DIS3L2: variants seen among roughly 807,000 people sequenced by gnomAD.
DIS3L2 encodes the protein DIS3 like 3'-5' exoribonuclease 2, also known as DIS3-like exonuclease 2.
In DIS3L2, 34 loss-of-function variants were observed where a neutral mutation model predicts 97.5. That is an observed-to-expected ratio of 0.35 (90% CI 0.27 to 0.46). DIS3L2 has a LOEUF of 0.46. Among genes scored for constraint, DIS3L2 ranks in the 20% least tolerant of loss-of-function variants. The probability of loss-of-function intolerance (pLI) is 1.00; values close to 1 mark genes in which losing one functional copy is unlikely to be tolerated. For synonymous variants in DIS3L2, 435 were observed against 445.2 expected, an observed-to-expected ratio of 0.98 and a Z score of 0.29; for missense variants, 1,038 against 1,146.0, an observed-to-expected ratio of 0.91 and a Z score of 1.36.
At chr2:232,307,286 C>T (rs1695010967) in intron 14 of DIS3L2, among the ~76,000 whole-genome samples, 1 of 152,192 alleles carries the variant, frequency 6.6e-6, no homozygotes, top group Non-Finnish European at 1.5e-5. Flanking sequence ...CTGATTTAGT[C>T]CTTTAGGAAG....
chr2:232,072,200 G>T (rs1352752224), intron 5 of DIS3L2, among the ~76,000 whole-genome samples: 1 of 152,068 alleles, frequency 6.6e-6, no homozygotes, highest in Non-Finnish European at 1.5e-5. Context: ...GTTGCACTGG[G>T]AAAGATATAA....
At chr2:232,229,537 T>C (rs978933779) in intron 10 of DIS3L2, among the ~76,000 whole-genome samples, 2 of 152,242 alleles carry the variant, frequency 1.3e-5, no homozygotes, top group Non-Finnish European at 2.9e-5. Context: ...TTCCCAGACG[T>C]TGAGTGCGCC....
chr2:232,306,695 C>T (rs954468673), intron 14 of DIS3L2, among the ~76,000 whole-genome samples: 2 of 152,174 alleles, frequency 1.3e-5, no homozygotes, highest in African/African-American at 2.4e-5. Flanking sequence ...CTGTATAGTT[C>T]TAGGCCCTGG....
chr2:232,120,622 C>T (rs1485953049), intron 6 of DIS3L2, among the ~76,000 whole-genome samples: 2 of 152,120 alleles, frequency 1.3e-5, no homozygotes, highest in East Asian at 1.9e-4. Flanking sequence ...CGCTTTCAGG[C>T]CTCCCCTGGC....
At chr2:232,306,024 T>A (rs1169695945) in intron 14 of DIS3L2, among the ~76,000 whole-genome samples, 1 of 152,084 alleles carries the variant, frequency 6.6e-6, no homozygotes, top group African/African-American at 2.4e-5. Flanking sequence ...CTGTGGGTTG[T>A]GGATGTGTTA....
At chr2:232,055,464 A>C (rs1389024875) in intron 5 of DIS3L2, among the ~76,000 whole-genome samples, 1 of 152,244 alleles carries the variant, frequency 6.6e-6, no homozygotes, top group African/African-American at 2.4e-5. Flanking sequence ...CAAACGACAC[A>C]ATGTTATCAA....
chr2:231,975,662 G>A (rs546030192), intron 1 of DIS3L2, among the ~76,000 whole-genome samples: 4 of 133,180 alleles, frequency 3.0e-5, no homozygotes, highest in South Asian at 5.0e-4. Flanking sequence ...CTGAGATTGC[G>A]CCACTGCACT....
intron 14 of DIS3L2, among the ~76,000 whole-genome samples, chr2:232,300,652 C>CTT (rs35570747): frequency 2.0e-4 from 24 of 121,448 alleles, no homozygotes; most frequent in Non-Finnish European, 2.6e-4. Flanking sequence ...TAGACTGCTC[C>CTT]TTTTTTTTTT....
chr2:232,054,132 G>A (rs1695483224), intron 5 of DIS3L2, among the ~76,000 whole-genome samples: 1 of 152,204 alleles, frequency 6.6e-6, no homozygotes, highest in Non-Finnish European at 1.5e-5. Flanking sequence ...AACTGGGGAT[G>A]AAGAACACAT....
intron 14 of DIS3L2, among the ~76,000 whole-genome samples, chr2:232,319,279 C>T (rs1180449118): frequency 6.6e-6 from 1 of 152,242 alleles, no homozygotes; most frequent in Non-Finnish European, 1.5e-5. Context: ...CCCTGGACTG[C>T]ATGCTACGTA....
intron 9 of DIS3L2, chr2:232,172,766 C>T (rs1260576618): frequency 1.9e-6 from 1 of 534,302 alleles, no homozygotes; most frequent in Non-Finnish European, 3.8e-6. Context: ...GTCTCAGTTG[C>T]TCCATATCCT....
chr2:232,299,201 C>T (rs1694797094), intron 13 of DIS3L2, among the ~76,000 whole-genome samples: 1 of 152,234 alleles, frequency 6.6e-6, no homozygotes, highest in Admixed American at 6.5e-5. Context: ...TTCTCTCACT[C>T]TATCCCAGCC....
intron 9 of DIS3L2, among the ~76,000 whole-genome samples, chr2:232,193,235 G>A (rs1471736452): frequency 6.6e-6 from 1 of 152,234 alleles, no homozygotes; most frequent in Non-Finnish European, 1.5e-5. Context: ...TAGCACAGTT[G>A]CATTCACTTC....
chr2:232,317,792 G>A (rs1036413366), intron 14 of DIS3L2, among the ~76,000 whole-genome samples: 1 of 152,134 alleles, frequency 6.6e-6, no homozygotes, highest in African/African-American at 2.4e-5. Flanking sequence ...TGAATTAATT[G>A]TCTCCTTAAT....
chr2:232,093,990 T>G (rs1696924547), intron 6 of DIS3L2, among the ~76,000 whole-genome samples: 1 of 152,136 alleles, frequency 6.6e-6, no homozygotes, highest in African/African-American at 2.4e-5. Flanking sequence ...TTTTTTGATG[T>G]AAGCACTGCT....
intron 3 of DIS3L2, among the ~76,000 whole-genome samples, chr2:232,020,375 G>A (rs988042476): frequency 1.3e-5 from 2 of 152,174 alleles, no homozygotes; most frequent in Admixed American, 6.5e-5. Flanking sequence ...GAACAAGAAA[G>A]TGGCAGTAAA....
intron 1 of DIS3L2, among the ~76,000 whole-genome samples, chr2:231,964,468 C>A (rs1049497740): frequency 6.6e-6 from 1 of 152,018 alleles, no homozygotes; most frequent in Non-Finnish European, 1.5e-5. Flanking sequence ...CATGGACTTA[C>A]ACTTCAGAAG....
At chr2:232,047,355 G>A (rs551203648) in intron 5 of DIS3L2, among the ~76,000 whole-genome samples, 4 of 152,260 alleles carry the variant, frequency 2.6e-5, no homozygotes, top group African/African-American at 9.6e-5. Flanking sequence ...ACTACAAGAG[G>A]AAAATGTAAA....
chr2:232,268,302 A>C lies in DIS3L2; in HGVS notation c.1659+4862A>C, dbSNP rs1160233059. Among the ~76,000 whole-genome samples the C allele has an allele frequency of 6.6e-6, 1 of 152,212 alleles. No individual in the cohort carries two copies. The highest frequency in any genetic ancestry group is 1.9e-4 in the East Asian group (1 of 5,198). ...CAATTTTGAAACCCAAACTGCAGGC[A>C]GTTTCTTTGAGTGGACTTGATTGTA... is the stretch of plus-strand genomic sequence containing the variant. On this transcript the variant is annotated intron_variant, in intron 13 of 20. Coordinates refer to ENST00000325385, the MANE Select transcript of DIS3L2 (RefSeq NM_152383.5). This position sits in a 1 kb window ranked among gnomAD's most constrained non-coding sequence, Gnocchi z 4.1.
Sources: gnomAD v4.1 joint callset for allele counts (sites outside exome capture counted in the v4.1 genomes callset) on GRCh38, gnomAD v4.1.1 for gene constraint, Gnocchi (gnomAD v3.1) non-coding constraint, MANE v1.5 for transcripts, NCBI Gene and HGNC (gene_info 2026-07-23, HGNC 2026-07-21) for gene names.